The following CRYBG1 variants were observed in gnomAD, a reference collection of about 807,000 sequenced individuals.
CRYBG1 encodes beta/gamma crystallin domain-containing protein 1.
In CRYBG1, 139 loss-of-function variants were observed where a neutral mutation model predicts 189.2. That is an observed-to-expected ratio of 0.73 (90% confidence interval 0.64 to 0.85). The LOEUF is 0.85. CRYBG1 is among the 40% of genes least tolerant of loss of function. The probability of loss-of-function intolerance (pLI) is 0.00; values close to 1 mark genes in which losing one functional copy is unlikely to be tolerated. For synonymous variants in CRYBG1, 1,023 were observed against 1,017.1 expected, an observed-to-expected ratio of 1.01 and a Z score of -0.11; for missense variants, 2,611 against 2,675.8, an observed-to-expected ratio of 0.98 and a Z score of 0.53.
intron 1 of CRYBG1, among the ~76,000 whole-genome samples, chr6:106,418,785 G>A (rs1771073399): frequency 1.3e-5 from 2 of 152,220 alleles, no homozygotes; most frequent in Non-Finnish European, 2.9e-5. Flanking sequence ...TGTGGAATGA[G>A]GTTAAGAGCA....
chr6:106,401,483 G>A (rs866519180), intron 1 of CRYBG1, among the ~76,000 whole-genome samples: 89 of 130,884 alleles, frequency 6.8e-4, no homozygotes, highest in African/African-American at 2.5e-3. Context: ...GTATACATGT[G>A]CCATGCTGGT....
At chr6:106,378,708 C>G (rs1470740329) in intron 1 of CRYBG1, among the ~76,000 whole-genome samples, 1 of 152,202 alleles carries the variant, frequency 6.6e-6, no homozygotes, top group Non-Finnish European at 1.5e-5. Context: ...AATGCCTCTT[C>G]CACTGTAGCT....
chr6:106,546,116 G>C (rs1676026), intron 13 of CRYBG1, among the ~76,000 whole-genome samples: 1 of 152,196 alleles, frequency 6.6e-6, no homozygotes, highest in East Asian at 1.9e-4. Flanking sequence ...TCTGGGCTAC[G>C]TGTCCATCTC....
At chr6:106,499,393 C>T (rs982928113) in intron 2 of CRYBG1, among the ~76,000 whole-genome samples, 2 of 150,300 alleles carry the variant, frequency 1.3e-5, no homozygotes, top group Non-Finnish European at 3.0e-5. Flanking sequence ...CTCCTGACCT[C>T]AGGTGATCCA....
At chr6:106,387,772 A>T (rs753050674) in intron 1 of CRYBG1, among the ~76,000 whole-genome samples, 5 of 152,164 alleles carry the variant, frequency 3.3e-5, no homozygotes, top group Non-Finnish European at 7.3e-5. Flanking sequence ...TTAGATTCTC[A>T]TGGTAACAAA....
intron 7 of CRYBG1, among the ~76,000 whole-genome samples, 177 bp from the exon 8 acceptor site, chr6:106,529,999 G>A (rs1773841265): frequency 6.6e-6 from 1 of 152,196 alleles, no homozygotes; most frequent in Admixed American, 6.5e-5. Context: ...CCCGAAATAG[G>A]TGTATTATTA....
chr6:106,489,787 CAAAAA>C (rs10593320), intron 2 of CRYBG1, among the ~76,000 whole-genome samples: 6 of 81,668 alleles, frequency 7.3e-5, no homozygotes, highest in Non-Finnish European at 1.6e-4. Flanking sequence ...ACTCTGTGTC[CAAAAA>C]AAAAAAAAAA....
chr6:106,515,210 T>C (rs931691819), intron 3 of CRYBG1, among the ~76,000 whole-genome samples: 3 of 152,234 alleles, frequency 2.0e-5, no homozygotes, highest in Non-Finnish European at 2.9e-5. Flanking sequence ...TCTTATAATA[T>C]AACTATGGCT....
rs754861208 is a variant in CRYBG1 at position 106,521,278 on chromosome 6, CT to C, written c.4071del (p.Glu1358AsnfsTer5). 1.9e-5 allele frequency: 31 copies of C among 1,613,742 alleles called. No homozygotes were observed. Among genetic ancestry groups the C allele is most frequent in the Non-Finnish European group, 2.6e-5 (31 of 1,179,986 alleles). ...SNLHLPETKF[S>X]ELSKLKNDDM... ...CTACACTTGCCAGAAACTAAATTTT[CT>C]GAATTGTCAAAACTGAAGAATGATG... On this transcript the variant is annotated frameshift_variant, in exon 4 of 22. Coordinates refer to ENST00000633556, the MANE Select transcript of CRYBG1 (RefSeq NM_001371242.2). LOFTEE classifies it high-confidence loss of function.
rs1226340537 is a variant in CRYBG1 at position 106,520,592 on chromosome 6, C to T, written c.3384C>T (p.Ala1128=). Residue 1128 remains alanine (A), a synonymous_variant, in exon 4 of 22, where the codon GCC becomes GCT. Transcript: ENST00000633556. Reference sequence around the variant, plus strand: ...GTATGCCCATGAAAAGAAAGAAGGCCAGGATGCCAAACTCTCCTGCTCCTC... The same window carrying T: ...GTATGCCCATGAAAAGAAAGAAGGCTAGGATGCCAAACTCTCCTGCTCCTC... ...AVCMPMKRKK[A]RMPNSPAPHF... 1 of 1,613,932 alleles carries T rather than the reference C, an allele frequency of 6.2e-7. No homozygotes were observed. Among genetic ancestry groups the T allele is most frequent in the African/African-American group, 1.3e-5 (1 of 74,898 alleles).
intron 3 of CRYBG1, among the ~76,000 whole-genome samples, chr6:106,516,244 T>C (rs1324820337): frequency 6.6e-6 from 1 of 151,550 alleles, no homozygotes. Context: ...AGCTTCTTTT[T>C]TTTTTTTTAG....
intron 1 of CRYBG1, among the ~76,000 whole-genome samples, chr6:106,419,664 G>A (rs907981440): frequency 2.0e-5 from 3 of 152,178 alleles, no homozygotes; most frequent in Non-Finnish European, 2.9e-5. Flanking sequence ...GATTACAGGC[G>A]TGAGCCACCC....
At chr6:106,456,986 C>T (rs1771901145) in intron 2 of CRYBG1, among the ~76,000 whole-genome samples, 1 of 152,156 alleles carries the variant, frequency 6.6e-6, no homozygotes, top group African/African-American at 2.4e-5. Flanking sequence ...TCTCACCAAG[C>T]ACAGTTCTCA....
At chr6:106,422,344 A>ATTTT (rs145135507) in intron 1 of CRYBG1, among the ~76,000 whole-genome samples, 167 of 139,970 alleles carry the variant, frequency 1.2e-3, no homozygotes, top group South Asian at 2.2e-3. Context: ...TTATTTATTT[A>ATTTT]TTTTTGAGAC....
At chr6:106,458,443 A>T (rs558948847) in intron 2 of CRYBG1, among the ~76,000 whole-genome samples, 3 of 152,124 alleles carry the variant, frequency 2.0e-5, no homozygotes, top group Admixed American at 6.6e-5. Context: ...CTGTGTTGCC[A>T]CTTACCTTGA....
chr6:106,363,890 G>A, intron 1 of CRYBG1, among the ~76,000 whole-genome samples: 1 of 152,274 alleles, frequency 6.6e-6, no homozygotes. Context: ...TGAGCACAAA[G>A]TAGAAACTCA....
chr6:106,529,498 A>G (rs548080822), intron 7 of CRYBG1, among the ~76,000 whole-genome samples: 3 of 152,316 alleles, frequency 2.0e-5, no homozygotes, highest in East Asian at 3.9e-4. Context: ...AAGTGTTAAT[A>G]TTTCTTCTGT....
At chr6:106,411,568 TAGTC>T (rs1770928008) in intron 1 of CRYBG1, among the ~76,000 whole-genome samples, 1 of 152,190 alleles carries the variant, frequency 6.6e-6, no homozygotes, top group African/African-American at 2.4e-5. Flanking sequence ...TCCTTTTTAT[TAGTC>T]AGGATTTTCC....
chr6:106,562,164 G>A (rs1774738854), intron 20 of CRYBG1, among the ~76,000 whole-genome samples: 2 of 152,176 alleles, frequency 1.3e-5, no homozygotes, highest in African/African-American at 4.8e-5. Context: ...TGCCCCGTGA[G>A]TCAGCAGAAG....
Sources: gnomAD v4.1 joint callset for allele counts (sites outside exome capture counted in the v4.1 genomes callset) on GRCh38, gnomAD v4.1.1 for gene constraint, MANE v1.5 for transcripts, NCBI Gene and HGNC (gene_info 2026-07-23, HGNC 2026-07-21) for gene names.